The following RNGTT variants were observed in gnomAD, a reference collection of about 807,000 sequenced individuals.
RNGTT encodes the protein RNA guanylyltransferase and 5'-phosphatase.
A neutral mutation model predicts 79.3 loss-of-function variants in RNGTT; 33 were observed. That is an observed-to-expected ratio of 0.42 (90% CI 0.32 to 0.56). RNGTT has a LOEUF of 0.56. RNGTT is among the 20% of genes least tolerant of loss of function. RNGTT has a pLI of 0.17. For synonymous variants in RNGTT, 222 were observed against 235.9 expected (o/e 0.94, Z 0.54); for missense variants, 497 against 739.1 (o/e 0.67, Z 3.80).
At chr6:88,953,804 T>C (rs1029165607) in intron 1 of RNGTT, among the ~76,000 whole-genome samples, 1 of 152,212 alleles carries the variant, frequency 6.6e-6, no homozygotes, top group Non-Finnish European at 1.5e-5. Context: ...CCAGAAGGGA[T>C]TGGGGTCCCA....
chr6:88,722,978 A>G (rs1776755493), intron 13 of RNGTT, among the ~76,000 whole-genome samples: 1 of 152,250 alleles, frequency 6.6e-6, no homozygotes, highest in African/African-American at 2.4e-5. Flanking sequence ...CTTGATAGTA[A>G]TGAAAATGTT....
chr6:88,730,439 C>A (rs1305966274), intron 13 of RNGTT, among the ~76,000 whole-genome samples: 1 of 152,230 alleles, frequency 6.6e-6, no homozygotes, highest in Non-Finnish European at 1.5e-5. Flanking sequence ...CTCTTCCCAT[C>A]CCTTGTCCAA....
At chr6:88,945,167 T>G (rs1272187394) in intron 1 of RNGTT, among the ~76,000 whole-genome samples, 1 of 152,224 alleles carries the variant, frequency 6.6e-6, no homozygotes, top group Admixed American at 6.5e-5. Context: ...CCCATTCTTT[T>G]GGCCACTCTA....
At chr6:88,638,146 A>C (rs1773169561) in intron 14 of RNGTT, among the ~76,000 whole-genome samples, 2 of 152,290 alleles carry the variant, frequency 1.3e-5, no homozygotes, top group East Asian at 1.9e-4. Flanking sequence ...TAAGCAAAAA[A>C]GCACAAGAGC....
chr6:88,634,903 G>T (rs1163077596), intron 14 of RNGTT, among the ~76,000 whole-genome samples: 2 of 151,962 alleles, frequency 1.3e-5, no homozygotes, highest in Admixed American at 6.6e-5. Context: ...ATACATTATT[G>T]TTATTATTAA....
In RNGTT at chr6:88,643,055, TAA is replaced by T. The variant is rs200215924; in HGVS notation, c.1507-28662_1507-28661del. ...GCCCACTGTAAGTTGAAAATATCAT[TAA>T]GTCAAAAATGCATTTAATACACCTA... On this transcript the variant is annotated intron_variant, in intron 14 of 15. Transcript: ENST00000369485. Among the ~76,000 whole-genome samples, 1,038 of 152,244 alleles carry T rather than the reference TAA, an allele frequency of 6.8e-3. 11 individuals carry two copies. Among genetic ancestry groups the T allele is most frequent in the African/African-American group, 0.023 (951 of 41,552 alleles).
chr6:88,672,900 G>A (rs1435792737), intron 14 of RNGTT, among the ~76,000 whole-genome samples: 2 of 152,024 alleles, frequency 1.3e-5, no homozygotes, highest in Non-Finnish European at 1.5e-5. Flanking sequence ...GTGTTCAGCT[G>A]TAGGAATAAT....
At chr6:88,731,338 A>G (rs1006762835) in intron 13 of RNGTT, among the ~76,000 whole-genome samples, 4 of 152,202 alleles carry the variant, frequency 2.6e-5, no homozygotes, top group African/African-American at 7.2e-5. Context: ...AATATTATAC[A>G]CTATGTCCAG....
chr6:88,850,128 G>A (rs1391941723), intron 9 of RNGTT, among the ~76,000 whole-genome samples: 1 of 151,928 alleles, frequency 6.6e-6, no homozygotes, highest in Non-Finnish European at 1.5e-5. Context: ...TTAAGGGTAG[G>A]AAGACTACAA....
intron 13 of RNGTT, among the ~76,000 whole-genome samples, chr6:88,685,519 CAG>C (rs1340507625): frequency 6.9e-6 from 1 of 145,628 alleles, no homozygotes; most frequent in Non-Finnish European, 1.5e-5. Flanking sequence ...AGGCCAACTT[CAG>C]AGAGGAGAGG....
chr6:88,858,153 A>C (rs1474810946), intron 8 of RNGTT, among the ~76,000 whole-genome samples: 1 of 152,130 alleles, frequency 6.6e-6, no homozygotes, highest in African/African-American at 2.4e-5. Context: ...ACATTGATTT[A>C]TTTCACCACC....
intron 10 of RNGTT, among the ~76,000 whole-genome samples, chr6:88,847,684 T>C (rs565844233): frequency 6.6e-6 from 1 of 151,968 alleles, no homozygotes; most frequent in African/African-American, 2.4e-5. Context: ...AGCATAACAA[T>C]CATTTTTAGA....
intron 1 of RNGTT, among the ~76,000 whole-genome samples, chr6:88,949,161 A>AAAAAAAAAAAAAAAAAAAAAAAAG: frequency 5.0e-5 from 4 of 79,854 alleles, no homozygotes; most frequent in Admixed American, 3.3e-4. Flanking sequence ...AATAAAATGA[A>AAAAAAAAAAAAAAAAAAAAAAAAG]AAAAAAAAAA....
At chr6:88,817,994 C>T (rs969240983) in intron 11 of RNGTT, among the ~76,000 whole-genome samples, 1 of 151,518 alleles carries the variant, frequency 6.6e-6, no homozygotes, top group Non-Finnish European at 1.5e-5. Flanking sequence ...CTCCTGACCT[C>T]GTGATCCGCC....
At chr6:88,617,625 C>T (rs1208017771) in intron 14 of RNGTT, among the ~76,000 whole-genome samples, 1 of 152,116 alleles carries the variant, frequency 6.6e-6, no homozygotes, top group Non-Finnish European at 1.5e-5. Context: ...AAGTGTGAGG[C>T]CTCCAACTTT....
At chr6:88,753,485 CAG>C (rs1777905457) in intron 13 of RNGTT, among the ~76,000 whole-genome samples, 1 of 149,402 alleles carries the variant, frequency 6.7e-6, no homozygotes, top group African/African-American at 2.5e-5. Flanking sequence ...GCCTAGGCAA[CAG>C]AGTGAGACCC....
At chr6:88,814,198 A>G (rs1222990630) in intron 11 of RNGTT, among the ~76,000 whole-genome samples, 1 of 152,242 alleles carries the variant, frequency 6.6e-6, no homozygotes, top group African/African-American at 2.4e-5. Context: ...GTCATCTCTC[A>G]TAAGTTAATA....
At chr6:88,898,664 T>C (rs1320100520) in intron 6 of RNGTT, among the ~76,000 whole-genome samples, 2 of 150,402 alleles carry the variant, frequency 1.3e-5, no homozygotes, top group Non-Finnish European at 3.0e-5. Flanking sequence ...ATATACTGTG[T>C]GTGTGTGTGT....
chr6:88,694,505 A>T (rs1775589641), intron 13 of RNGTT, among the ~76,000 whole-genome samples: 2 of 149,118 alleles, frequency 1.3e-5, no homozygotes, highest in African/African-American at 4.9e-5. Flanking sequence ...TAATATTGTT[A>T]AAAAGTCCAT....
Sources: gnomAD v4.1 joint callset for allele counts (sites outside exome capture counted in the v4.1 genomes callset) on GRCh38, gnomAD v4.1.1 for gene constraint, MANE v1.5 for transcripts, NCBI Gene and HGNC (gene_info 2026-07-23, HGNC 2026-07-21) for gene names.